Variants in GBF1 observed in about 807,000 individuals in gnomAD.
GBF1 encodes the protein Golgi-specific brefeldin A-resistance guanine nucleotide exchange factor 1.
GBF1 carries 114 observed loss-of-function variants against 210.5 expected under a neutral mutation model. The ratio of observed to expected loss-of-function variants is 0.54; its 90% confidence interval spans 0.47 to 0.63. The LOEUF is 0.63. Ranked by LOEUF, GBF1 falls within the 30% of genes least tolerant of loss-of-function variation. The pLI is 0.00. For synonymous variants in GBF1, 850 were observed against 889.2 expected, an observed-to-expected ratio of 0.96 and a Z score of 0.78; for missense variants, 1,851 against 2,357.7, an observed-to-expected ratio of 0.79 and a Z score of 4.45.
intron 3 of GBF1, among the ~76,000 whole-genome samples, chr10:102,262,321 A>G (rs2073340770): frequency 6.6e-6 from 1 of 152,140 alleles, no homozygotes. Context: ...AGTGCTTTAG[A>G]ATGTTGGCTA....
chr10:102,231,620 C>G, the GBF1 span: 2 of 1,610,418 alleles, frequency 1.2e-6, no homozygotes, highest in Non-Finnish European at 1.7e-6. Context: ...TTGGTCCACA[C>G]GGCGATCTCC....
At chr10:102,381,823 GAAA>G (rs386372282) in intron 39 of GBF1, among the ~76,000 whole-genome samples, 67 of 19,076 alleles carry the variant, frequency 3.5e-3, no homozygotes, top group African/African-American at 0.012. Flanking sequence ...ACCCTGTCGC[GAAA>G]AAAAAAAAAA....
chr10:102,377,707 T>C (rs1233614808), intron 33 of GBF1, among the ~76,000 whole-genome samples: 3 of 152,290 alleles, frequency 2.0e-5, no homozygotes, highest in South Asian at 4.1e-4. Flanking sequence ...GTTCAAAATA[T>C]ACAAAAGGGT....
intron 3 of GBF1, among the ~76,000 whole-genome samples, chr10:102,341,708 G>A (rs1589701445): frequency 2.0e-5 from 3 of 152,258 alleles, no homozygotes; most frequent in Admixed American, 2.0e-4. Flanking sequence ...AAAATTACAT[G>A]CTGTATAAAT....
In GBF1 at chr10:102,367,504, G is replaced by T; in HGVS notation, c.2586G>T (p.Val862=). 2 of 1,611,252 alleles carry T rather than the reference G, an allele frequency of 1.2e-6. No individual in the cohort carries two copies. The highest frequency in any genetic ancestry group is 1.7e-6 in the Non-Finnish European group (2 of 1,177,360). The stretch of plus-strand genomic sequence containing the variant: ...AGTTTCGCAAAAATCTGAAAGGTGT[G>T]AATGGAGGCAAGGACTTTGAGCAAG... ...LEEFRKNLKG[V]NGGKDFEQDI... is the part of the protein sequence containing the mutation. The change falls in exon 21 of 40, where the codon GTG becomes GTT. Residue 862 remains valine, a synonymous_variant. Coordinates refer to ENST00000369983, the MANE Select transcript of GBF1 (RefSeq NM_001377137.1).
At chr10:102,368,070 C>T (rs969436540) in intron 21 of GBF1, 148 bp from the exon 22 acceptor site, 1 of 680,020 alleles carries the variant, frequency 1.5e-6, no homozygotes, top group African/African-American at 1.8e-5. Flanking sequence ...TGTCTGCTCC[C>T]ACTGGTGGGT....
rs767030967 is a variant in GBF1, at chr10:102,381,176, C to T, written c.5223C>T (p.His1741=). Residue 1741 remains histidine (H), a synonymous_variant, in exon 39 of 40, where the codon CAC becomes CAT. Transcript: ENST00000369983. ...PQGQKPLASA[H]LTSAAGDTRT... The stretch of plus-strand genomic sequence containing the variant: ...GCCAAAAGCCTCTCGCCTCAGCCCA[C>T]CTGACTTCCGCTGCTGGCGACACTA... The T allele has an allele frequency of 5.0e-6, 8 of 1,613,884 alleles. No homozygotes were observed. The African/African-American group carries it at 5.3e-5, about 11-fold the overall frequency.
chr10:102,322,816 T>C (rs1225830908), intron 3 of GBF1, among the ~76,000 whole-genome samples: 1 of 151,844 alleles, frequency 6.6e-6, no homozygotes, highest in East Asian at 1.9e-4. Flanking sequence ...AAGAGCCAGT[T>C]GTTTCAGCAA....
At chr10:102,262,220 A>G (rs1590541324) in intron 3 of GBF1, among the ~76,000 whole-genome samples, 1 of 152,230 alleles carries the variant, frequency 6.6e-6, no homozygotes, top group Admixed American at 6.5e-5. Flanking sequence ...AGGATCAAGT[A>G]TAGAGGAGGC....
At chr10:102,272,023 G>T (rs112079202) in intron 3 of GBF1, among the ~76,000 whole-genome samples, 298 of 152,234 alleles carry the variant, frequency 2.0e-3, no homozygotes, top group African/African-American at 6.8e-3. Flanking sequence ...AAGGTACAGG[G>T]ATTACAGGTG....
upstream of GBF1, among the ~76,000 whole-genome samples, chr10:102,242,431 C>T (rs1348169353): frequency 6.6e-6 from 1 of 152,212 alleles, no homozygotes; most frequent in Non-Finnish European, 1.5e-5. Flanking sequence ...GGGCTGGTTT[C>T]CCGCTGGTGG....
At chr10:102,236,059 G>T in the GBF1 span, among the ~76,000 whole-genome samples, 2 of 152,204 alleles carry the variant, frequency 1.3e-5, no homozygotes, top group African/African-American at 4.8e-5. Flanking sequence ...GAACAGTAAA[G>T]CCAGGCAGGC....
intron 1 of GBF1, among the ~76,000 whole-genome samples, chr10:102,249,874 T>C (rs183174140): frequency 7.2e-5 from 11 of 152,200 alleles, no homozygotes; most frequent in African/African-American, 2.6e-4. Context: ...GTATTTTTAA[T>C]AGAGATGTGG....
intron 1 of GBF1, among the ~76,000 whole-genome samples, chr10:102,254,242 A>T (rs1301990790): frequency 1.2e-4 from 18 of 152,016 alleles, no homozygotes; most frequent in African/African-American, 4.1e-4. Context: ...TTATAAAAAT[A>T]CTCTCCTGTA....
the GBF1 span, among the ~76,000 whole-genome samples, chr10:102,232,735 C>T: frequency 2.0e-5 from 3 of 152,188 alleles, no homozygotes; most frequent in African/African-American, 7.2e-5. Flanking sequence ...CCCTATACTA[C>T]ATCTGCAAAA....
intron 3 of GBF1, among the ~76,000 whole-genome samples, chr10:102,279,981 A>G (rs1267872650): frequency 1.3e-5 from 2 of 152,168 alleles, no homozygotes; most frequent in East Asian, 3.9e-4. Context: ...TTAATTAGCC[A>G]GGCATGGTGG....
rs2075106944 is a variant in GBF1 at position 102,277,624 on chromosome 10, C to T, written c.163+17508C>T. Among the ~76,000 whole-genome samples the T allele has an allele frequency of 2.0e-5, 3 of 152,232 alleles. No homozygotes were observed. The South Asian group carries it at 6.2e-4, about 32-fold the overall frequency. On this transcript the variant is annotated intron_variant, in intron 3 of 39. Transcript: ENST00000369983. ...GAACTCATGACCACAGGTGATCCGC[C>T]CACCTCGGCCTCCCAAAGTGCTAGG...
rs2073955320 is a variant in GBF1 at position 102,267,275 on chromosome 10, CG to C, written c.163+7162del. ...ATCCCAGCACTTTGGGAGGCTAAGG[CG>C]GGTGGATGACTTGAGGTCAGCAGTT... is the stretch of plus-strand genomic sequence containing the variant. On this transcript the variant is annotated intron_variant, in intron 3 of 39. Coordinates refer to ENST00000369983, the MANE Select transcript of GBF1 (RefSeq NM_001377137.1). Among the ~76,000 whole-genome samples, 4 of 152,104 alleles carry C rather than the reference CG, an allele frequency of 2.6e-5. No individual in the cohort carries two copies. In the South Asian group the frequency reaches 8.3e-4, roughly 32 times the overall value.
chr10:102,253,880 T>C (rs1381029295), intron 1 of GBF1, among the ~76,000 whole-genome samples: 3 of 152,236 alleles, frequency 2.0e-5, no homozygotes, highest in Admixed American at 2.0e-4. Context: ...TAATCTTATT[T>C]TGTAATTTTC....
Sources: allele counts gnomAD v4.1 joint callset (sites outside exome capture counted in the v4.1 genomes callset), GRCh38; gene constraint gnomAD v4.1.1; transcripts MANE v1.5; gene names NCBI Gene and HGNC (gene_info 2026-07-23, HGNC 2026-07-21).